ADARB2: variants seen among roughly 807,000 people sequenced by gnomAD.
ADARB2 encodes adenosine deaminase RNA specific B2 (inactive), also known as inactive double-stranded RNA-specific editase B2.
Under a neutral mutation model 62.2 loss-of-function variants are expected in ADARB2, and 25 were observed. That is an observed-to-expected ratio of 0.40 (90% CI 0.29 to 0.56). ADARB2 has a LOEUF of 0.56. Among genes scored for constraint, ADARB2 ranks in the 20% least tolerant of loss-of-function variants. The pLI, the probability that ADARB2 is intolerant of heterozygous loss-of-function variation, is 0.43. For synonymous variants in ADARB2, 572 were observed against 500.8 expected (o/e 1.14, Z -1.90); for missense variants, 1,071 against 1,077.4 (o/e 0.99, Z 0.08).
In ADARB2 at chr10:1,347,844, A is replaced by G. The variant is rs548437396; in HGVS notation, c.1077+15184T>C. 1.8e-4 allele frequency among the ~76,000 whole-genome samples: 28 copies of G among 152,258 alleles called. No individual in the cohort carries two copies. In the South Asian group the frequency reaches 5.8e-3, roughly 32 times the overall value. ...TAGGCTCAGGGTAATTGGGAGATGAATGGGAAGAGAGAGGCAGTAAGAGAT... is the reference window on the plus strand; with the variant it reads ...TAGGCTCAGGGTAATTGGGAGATGAGTGGGAAGAGAGAGGCAGTAAGAGAT... On this transcript the variant is annotated intron_variant, in intron 3 of 9. Transcript: ENST00000381312.
chr10:1,711,070 G>A (rs1346099571), intron 1 of ADARB2, among the ~76,000 whole-genome samples: 7 of 152,106 alleles, frequency 4.6e-5, no homozygotes, highest in South Asian at 2.1e-4. Context: ...CCCACCCCGA[G>A]CTTGCCAGGC....
intron 1 of ADARB2, among the ~76,000 whole-genome samples, chr10:1,578,005 G>A (rs1391824740): frequency 6.6e-6 from 1 of 152,192 alleles, no homozygotes; most frequent in African/African-American, 2.4e-5. Context: ...CTGTGGACAC[G>A]CTGATCTCAG....
chr10:1,609,737 C>CACTGGGCTCT (rs1833543744), intron 1 of ADARB2, among the ~76,000 whole-genome samples: 1 of 152,260 alleles, frequency 6.6e-6, no homozygotes, highest in African/African-American at 2.4e-5. Context: ...TTAACCCACA[C>CACTGGGCTCT]ACTGGGCTCT....
intron 3 of ADARB2, among the ~76,000 whole-genome samples, chr10:1,307,250 C>T (rs1831638062): frequency 1.2e-5 from 1 of 86,832 alleles, no homozygotes; most frequent in African/African-American, 3.1e-5. Flanking sequence ...AAAACAACCC[C>T]ATTCAAAAAG....
intron 1 of ADARB2, among the ~76,000 whole-genome samples, chr10:1,476,688 T>C (rs1831405415): frequency 6.6e-6 from 1 of 152,154 alleles, no homozygotes; most frequent in South Asian, 2.1e-4. Flanking sequence ...AGAAAGGCCA[T>C]CGGCCTCACG....
intron 5 of ADARB2, among the ~76,000 whole-genome samples, chr10:1,237,543 T>C (rs1353411778): frequency 3.0e-3 from 11 of 3,650 alleles, no homozygotes; most frequent in African/African-American, 0.014. Context: ...CACTCCCCCC[T>C]GCCTCCCGGT....
At chr10:1,733,810 G>C (rs962138100) in intron 1 of ADARB2, among the ~76,000 whole-genome samples, 1 of 152,138 alleles carries the variant, frequency 6.6e-6, no homozygotes, top group Non-Finnish European at 1.5e-5. Flanking sequence ...TCCTGGTACT[G>C]TGTGAGAAAT....
chr10:1,370,265 A>AT (rs1832356805), intron 2 of ADARB2, among the ~76,000 whole-genome samples: 2 of 49,176 alleles, frequency 4.1e-5, no homozygotes, highest in Non-Finnish European at 2.5e-4. Context: ...CTTCATGATA[A>AT]AAACTGTCAA....
chr10:1,211,646 C>T (rs764483539), intron 7 of ADARB2, among the ~76,000 whole-genome samples: 8 of 152,218 alleles, frequency 5.3e-5, no homozygotes, highest in Non-Finnish European at 1.2e-4. Context: ...GAAACAATCA[C>T]GTGTGTAGCT....
intron 1 of ADARB2, among the ~76,000 whole-genome samples, chr10:1,694,787 C>T (rs11250738): frequency 1.3e-3 from 193 of 152,120 alleles, no homozygotes; most frequent in African/African-American, 4.4e-3. Flanking sequence ...GGCTCAGAGC[C>T]GAGGGAGGGA....
At chr10:1,387,805 A>C (rs1161242627) in intron 1 of ADARB2, among the ~76,000 whole-genome samples, 1 of 152,042 alleles carries the variant, frequency 6.6e-6, no homozygotes, top group Non-Finnish European at 1.5e-5. Context: ...AAGAAAAAAA[A>C]CCTACAGACC....
chr10:1,386,642 G>A (rs1335643328), intron 1 of ADARB2, among the ~76,000 whole-genome samples: 1 of 151,888 alleles, frequency 6.6e-6, no homozygotes, highest in Non-Finnish European at 1.5e-5. Flanking sequence ...ACTCAACAGA[G>A]TTTTAAACAA....
At chr10:1,342,435 A>C (rs1252079216) in intron 3 of ADARB2, among the ~76,000 whole-genome samples, 1 of 152,220 alleles carries the variant, frequency 6.6e-6, no homozygotes, top group Admixed American at 6.5e-5. Flanking sequence ...AGAAACATTC[A>C]GGGAACAGTG....
chr10:1,332,147 T>A (rs1490848305), intron 3 of ADARB2, among the ~76,000 whole-genome samples: 1 of 152,238 alleles, frequency 6.6e-6, no homozygotes, highest in East Asian at 1.9e-4. Context: ...CTCACGCCTG[T>A]AATCCCAACA....
At chr10:1,366,354 T>G (rs1832313448) in intron 2 of ADARB2, among the ~76,000 whole-genome samples, 1 of 152,360 alleles carries the variant, frequency 6.6e-6, no homozygotes, top group South Asian at 2.1e-4. Flanking sequence ...ATCTCAGCCA[T>G]GGATGGCCCC....
At chr10:1,359,723 G>A (rs1437842666) in intron 3 of ADARB2, among the ~76,000 whole-genome samples, 2 of 152,182 alleles carry the variant, frequency 1.3e-5, no homozygotes, top group South Asian at 2.1e-4. Context: ...TTCCCGCCGC[G>A]GCCCTGCCAT....
chr10:1,286,808 G>C (rs1325432895), intron 3 of ADARB2, among the ~76,000 whole-genome samples: 1 of 152,154 alleles, frequency 6.6e-6, no homozygotes, highest in Non-Finnish European at 1.5e-5. Context: ...GGTGTCATAG[G>C]GGTGTTAGGA....
At chr10:1,418,870 A>T (rs557992018) in intron 1 of ADARB2, among the ~76,000 whole-genome samples, 3 of 152,220 alleles carry the variant, frequency 2.0e-5, no homozygotes, top group East Asian at 1.9e-4. Flanking sequence ...GTCTTGGAAA[A>T]TTTCCCTTTT....
chr10:1,201,501 G>C (rs1052961843), intron 7 of ADARB2, among the ~76,000 whole-genome samples: 6 of 152,140 alleles, frequency 3.9e-5, no homozygotes, highest in African/African-American at 1.4e-4. Context: ...CTGGATGTGC[G>C]AGCTTCTACC....
Sources: allele counts gnomAD v4.1 joint callset (sites outside exome capture counted in the v4.1 genomes callset), GRCh38; gene constraint gnomAD v4.1.1; transcripts MANE v1.5; gene names NCBI Gene and HGNC (gene_info 2026-07-23, HGNC 2026-07-21).